Variants in CACNA2D3 observed in about 807,000 individuals in gnomAD.
CACNA2D3 encodes the protein voltage-dependent calcium channel subunit alpha-2/delta-3.
In CACNA2D3, 60 loss-of-function variants were observed where a neutral mutation model predicts 160.6. The observed-to-expected ratio is 0.37, with a 90% CI of 0.30 to 0.46. The LOEUF (loss-of-function observed/expected upper bound fraction) is 0.46, where lower values mean the gene tolerates loss of function less well. Ranked by LOEUF, CACNA2D3 falls within the 20% of genes least tolerant of loss-of-function variation. The pLI is 1.00. For missense variants in CACNA2D3, 1,205 were observed against 1,365.0 expected, an observed-to-expected ratio of 0.88 and a Z score of 1.85; for synonymous variants, 558 against 492.9, an observed-to-expected ratio of 1.13 and a Z score of -1.75.
chr3:54,695,675 T>G (rs1449317019), intron 11 of CACNA2D3, among the ~76,000 whole-genome samples: 5 of 152,324 alleles, frequency 3.3e-5, no homozygotes, highest in Admixed American at 2.0e-4. Flanking sequence ...TTGCAATTCT[T>G]TCATTACCAA....
chr3:54,755,009 T>C (rs1701945373), intron 12 of CACNA2D3, among the ~76,000 whole-genome samples: 1 of 152,216 alleles, frequency 6.6e-6, no homozygotes, highest in Admixed American at 6.5e-5. Context: ...GTCCATGGCA[T>C]TCTTCTTCCT....
At chr3:54,378,261 A>T (rs1699042670) in intron 3 of CACNA2D3, among the ~76,000 whole-genome samples, 1 of 152,238 alleles carries the variant, frequency 6.6e-6, no homozygotes, top group African/African-American at 2.4e-5. Context: ...TCCACCTCAG[A>T]TAATCAGGCA....
intron 12 of CACNA2D3, among the ~76,000 whole-genome samples, chr3:54,763,824 C>T (rs9843757): frequency 1.5e-5 from 1 of 67,740 alleles, no homozygotes; most frequent in African/African-American, 6.3e-5. Context: ...TATATATATA[C>T]GTATATATAT....
intron 5 of CACNA2D3, among the ~76,000 whole-genome samples, chr3:54,553,613 T>C (rs1225377963): frequency 1.3e-5 from 2 of 152,268 alleles, no homozygotes; most frequent in Non-Finnish European, 2.9e-5. Context: ...AGTTTGTCTC[T>C]AATTCTGTGT....
Position 55,074,385 on chromosome 3 carries a change from G to T in CACNA2D3, c.*179G>T. The T allele has an allele frequency of 1.7e-6, 1 of 576,184 alleles. No individual in the cohort carries two copies. The highest frequency in any genetic ancestry group is 3.1e-6 in the Non-Finnish European group (1 of 323,744). The allele number at this position is 576,184 out of a possible 1,614,324, so 35.7% of individuals were successfully genotyped here. ...ACTCTTAAAGATATGTTGACAAAAA[G>T]TTATCTATCATCTTTTTACTTTGCC... On this transcript the variant is annotated 3_prime_UTR_variant, in exon 38 of 38. Transcript: ENST00000474759.
chr3:54,357,586 G>C (rs1698671385), intron 3 of CACNA2D3, among the ~76,000 whole-genome samples: 1 of 152,178 alleles, frequency 6.6e-6, no homozygotes, highest in Non-Finnish European at 1.5e-5. Flanking sequence ...ACCCAAATGA[G>C]TTGAAAACGT....
intron 25 of CACNA2D3, chr3:54,894,530 C>T (rs912976906): frequency 1.5e-5 from 7 of 472,436 alleles, no homozygotes; most frequent in African/African-American, 1.2e-4. Context: ...TACCATGACT[C>T]TGGAAAAAGG....
chr3:54,712,658 GTAT>G (rs1350557423), intron 11 of CACNA2D3, among the ~76,000 whole-genome samples: 1 of 152,126 alleles, frequency 6.6e-6, no homozygotes, highest in Non-Finnish European at 1.5e-5. Flanking sequence ...CCAGTCTTGG[GTAT>G]GTCTTTATCA....
chr3:54,962,721 T>C (rs542529686), intron 27 of CACNA2D3, among the ~76,000 whole-genome samples: 1 of 152,266 alleles, frequency 6.6e-6, no homozygotes, highest in Non-Finnish European at 1.5e-5. Flanking sequence ...GTGGCAGGAT[T>C]GTTTTTCTGC....
At chr3:54,366,517 C>G (rs1329466601) in intron 3 of CACNA2D3, among the ~76,000 whole-genome samples, 3 of 152,018 alleles carry the variant, frequency 2.0e-5, no homozygotes, top group African/African-American at 7.3e-5. Context: ...ATGTTTAAAC[C>G]CATTAGGATG....
intron 27 of CACNA2D3, among the ~76,000 whole-genome samples, chr3:54,960,840 A>G (rs963843736): frequency 6.6e-6 from 1 of 152,226 alleles, no homozygotes; most frequent in Non-Finnish European, 1.5e-5. Flanking sequence ...GTTATGTCCT[A>G]ATTCACATTG....
chr3:54,344,364 C>T (rs539751100), intron 3 of CACNA2D3, among the ~76,000 whole-genome samples: 13 of 152,146 alleles, frequency 8.5e-5, no homozygotes, highest in Admixed American at 1.3e-4. Context: ...CAGTGCCTGG[C>T]TCCCCAAATA....
intron 5 of CACNA2D3, among the ~76,000 whole-genome samples, chr3:54,516,267 C>T (rs1357594872): frequency 6.6e-6 from 1 of 152,188 alleles, no homozygotes; most frequent in African/African-American, 2.4e-5. Flanking sequence ...GACTTGATGA[C>T]CTTTCTTATT....
At chr3:54,736,100 CAT>C (rs1205460988) in intron 11 of CACNA2D3, among the ~76,000 whole-genome samples, 1,571 of 47,876 alleles carry the variant, frequency 0.033, 158 homozygotes, top group South Asian at 0.1. Flanking sequence ...TATATATATA[CAT>C]ATATATGTAT....
At chr3:54,721,695 A>G (rs775309394) in intron 11 of CACNA2D3, among the ~76,000 whole-genome samples, 1 of 145,262 alleles carries the variant, frequency 6.9e-6, no homozygotes. Context: ...CAGGAGGTGG[A>G]GTTTGCAGTG....
At chr3:54,896,561 CTCTGCAAGATGTTTTTGAGTAA>C in intron 25 of CACNA2D3, 166 bp from the exon 26 acceptor site, 1 of 590,176 alleles carries the variant, frequency 1.7e-6, no homozygotes, top group Non-Finnish European at 3.0e-6. Flanking sequence ...ACTCCCAGAG[CTCTGCAAGATGTTTTTGAGTAA>C]TCTGGGGTGC....
In CACNA2D3 at chr3:54,888,055, A is replaced by C; in HGVS notation, c.2150+3A>C. On this transcript the variant is annotated splice_donor_region_variant and intron_variant, in intron 24 of 37. Transcript: ENST00000474759. Reference sequence around the variant, plus strand: ...AGCCTGGCCCTCAACAAATCTGAGTAAGTGGTTGCACGTGTCCTCGTTTCA... The same window carrying C: ...AGCCTGGCCCTCAACAAATCTGAGTCAGTGGTTGCACGTGTCCTCGTTTCA... The C allele has an allele frequency of 6.2e-7, 1 of 1,610,080 alleles. No homozygotes were observed. The highest frequency in any genetic ancestry group is 8.5e-7 in the Non-Finnish European group (1 of 1,176,376).
At chr3:55,004,283 C>T (rs1703041306) in intron 31 of CACNA2D3, among the ~76,000 whole-genome samples, 1 of 152,166 alleles carries the variant, frequency 6.6e-6, no homozygotes, top group Admixed American at 6.5e-5. Context: ...TGTCAATGTA[C>T]AGGGCTTATC....
At chr3:54,328,067 T>A (rs1367678460) in intron 3 of CACNA2D3, among the ~76,000 whole-genome samples, 1 of 152,232 alleles carries the variant, frequency 6.6e-6, no homozygotes, top group East Asian at 1.9e-4. Flanking sequence ...TTTGTCCATT[T>A]ATTTGATGCA....
Sources: gnomAD v4.1 joint callset for allele counts (sites outside exome capture counted in the v4.1 genomes callset) on GRCh38, gnomAD v4.1.1 for gene constraint, MANE v1.5 for transcripts, NCBI Gene and HGNC (gene_info 2026-07-23, HGNC 2026-07-21) for gene names.